Variants in KDM6A observed in about 807,000 individuals in gnomAD.
KDM6A encodes lysine demethylase 6A.
In KDM6A, 11 loss-of-function variants were observed where a neutral mutation model predicts 117.6. The ratio of observed to expected loss-of-function variants is 0.09; its 90% CI spans 0.06 to 0.15. The LOEUF is 0.15. Ranked by LOEUF, KDM6A falls within the 10% of genes least tolerant of loss-of-function variation. The pLI, the probability that KDM6A is intolerant of heterozygous loss-of-function variation, is 1.00. For missense variants in KDM6A, 799 were observed against 1,077.3 expected, an observed-to-expected ratio of 0.74 and a Z score of 3.62; for synonymous variants, 384 against 396.1, an observed-to-expected ratio of 0.97 and a Z score of 0.36.
chrX:45,079,346 T>C lies in KDM6A; in HGVS notation c.3295T>C (p.Leu1099=), dbSNP rs747260329. The C allele has an allele frequency of 1.0e-5, 12 of 1,162,036 alleles. No individual in the cohort carries two copies. Among genetic ancestry groups the C allele is most frequent in the Middle Eastern group, 2.4e-4 (1 of 4,228 alleles). ...QYQASSFQES[L]REENEKRSHH... ...CCAGGCCTCCTCATTCCAGGAATCATTGAGAGTAAGTATTTGTATCCTAAA... is the reference window on the plus strand; with the variant it reads ...CCAGGCCTCCTCATTCCAGGAATCACTGAGAGTAAGTATTTGTATCCTAAA... Residue 1099 remains leucine (L), a synonymous_variant, in exon 21 of 30, where the codon TTG becomes CTG. Transcript: ENST00000611820.
At chrX:45,020,761 GTTTAATT>G in intron 6 of KDM6A, 31 bp downstream of exon 6, 1 of 1,195,143 alleles carries the variant, frequency 8.4e-7, no homozygotes. Context: ...AAGATACAAT[GTTTAATT>G]TTGTGGTTTT....
chrX:44,974,574 G>A, intron 3 of KDM6A, 92 bp from the exon 4 acceptor site: 1 of 608,345 alleles, frequency 1.6e-6, no homozygotes, highest in Non-Finnish European at 2.8e-6. Context: ...CTGGGAGGTG[G>A]GTGTGGTGGG....
At chrX:44,894,396 A>AT (rs2033629140) in intron 2 of KDM6A, among the ~76,000 whole-genome samples, 1 of 111,108 alleles carries the variant, frequency 9.0e-6, no homozygotes, top group African/African-American at 3.3e-5. Flanking sequence ...GACTCTTCAG[A>AT]TTGTCTTTTT....
chrX:44,935,456 T>C (rs914317624), intron 2 of KDM6A, among the ~76,000 whole-genome samples: 4 of 111,397 alleles, frequency 3.6e-5, no homozygotes, highest in African/African-American at 1.3e-4. Flanking sequence ...ATTCATAAAG[T>C]TCACGGTGGC....
intron 16 of KDM6A, 145 bp downstream of exon 16, chrX:45,062,893 C>CT: frequency 2.2e-6 from 1 of 458,653 alleles, no homozygotes; most frequent in Non-Finnish European, 3.8e-6. Flanking sequence ...TTTTAAAATA[C>CT]TGGTAATTGA....
At chrX:45,065,107 A>C (rs1286696386) in intron 17 of KDM6A, among the ~76,000 whole-genome samples, 1 of 112,240 alleles carries the variant, frequency 8.9e-6, no homozygotes, top group Admixed American at 9.4e-5. Flanking sequence ...TGCAGTTATA[A>C]ATCAGAAGGG....
intron 6 of KDM6A, among the ~76,000 whole-genome samples, chrX:45,033,181 G>T (rs997911252): frequency 1.9e-4 from 21 of 111,751 alleles, no homozygotes; most frequent in East Asian, 5.6e-4. Context: ...GACTACTCTT[G>T]TGCTCTTTTT....
At chrX:45,030,504 C>T (rs1042754321) in intron 6 of KDM6A, among the ~76,000 whole-genome samples, 1 of 107,183 alleles carries the variant, frequency 9.3e-6, no homozygotes, top group Admixed American at 1.0e-4. Flanking sequence ...TTGGGAGAAC[C>T]TCAGTCAGAT....
intron 9 of KDM6A, among the ~76,000 whole-genome samples, chrX:45,053,201 T>A (rs953268451): frequency 9.0e-6 from 1 of 111,448 alleles, no homozygotes; most frequent in Non-Finnish European, 1.9e-5. Flanking sequence ...TGGGAGGTCG[T>A]GGTGGGTGAA....
intron 17 of KDM6A, among the ~76,000 whole-genome samples, chrX:45,065,036 A>G (rs2044468527): frequency 8.9e-6 from 1 of 112,163 alleles, no homozygotes; most frequent in Non-Finnish European, 1.9e-5. Flanking sequence ...GATTAGTGCT[A>G]TGGAAAAAAG....
intron 2 of KDM6A, among the ~76,000 whole-genome samples, chrX:44,914,251 G>A (rs1348012281): frequency 8.9e-6 from 1 of 112,052 alleles, no homozygotes; most frequent in Non-Finnish European, 1.9e-5. Flanking sequence ...TGTGCTGGGG[G>A]GGTCAGCACG....
At chrX:44,916,220 T>C (rs2035542261) in intron 2 of KDM6A, among the ~76,000 whole-genome samples, 2 of 111,053 alleles carry the variant, frequency 1.8e-5, no homozygotes, top group Non-Finnish European at 3.8e-5. Flanking sequence ...ACTGTATTTT[T>C]TGATGCCCTT....
chrX:45,028,584 G>T (rs766337820), intron 6 of KDM6A, among the ~76,000 whole-genome samples: 1 of 111,885 alleles, frequency 8.9e-6, no homozygotes, highest in Admixed American at 9.5e-5. Context: ...TGTTCCTTTT[G>T]GCAGAGGATG....
At chrX:45,089,644 A>G in intron 25 of KDM6A, 99 bp from the exon 26 acceptor site, 1 of 588,185 alleles carries the variant, frequency 1.7e-6, no homozygotes, top group Non-Finnish European at 2.8e-6. Context: ...AATAAAATGA[A>G]CAAGTGTTTA....
intron 2 of KDM6A, among the ~76,000 whole-genome samples, chrX:44,945,250 G>C (rs1005367147): frequency 3.0e-4 from 33 of 111,475 alleles, no homozygotes; most frequent in African/African-American, 1.0e-3. Flanking sequence ...ATGTGCTGTA[G>C]CCTGAAAAGT....
chrX:45,033,349 A>G (rs927768826), intron 6 of KDM6A, among the ~76,000 whole-genome samples: 4 of 111,774 alleles, frequency 3.6e-5, no homozygotes, highest in Non-Finnish European at 5.6e-5. Context: ...GCAGTTTTCA[A>G]AGTGTTCAAA....
intron 2 of KDM6A, among the ~76,000 whole-genome samples, chrX:44,944,940 T>C (rs773389687): frequency 4.9e-5 from 5 of 102,127 alleles, no homozygotes; most frequent in Admixed American, 4.2e-4. Flanking sequence ...AGTATTTCCA[T>C]TTGGTATAAT....
At chrX:44,945,298 A>G (rs1236045624) in intron 2 of KDM6A, among the ~76,000 whole-genome samples, 1 of 111,549 alleles carries the variant, frequency 9.0e-6, no homozygotes, top group African/African-American at 3.3e-5. Flanking sequence ...TAGAGCTCAC[A>G]TTCATTATTT....
At chrX:45,003,394 CTTTTTTTTTTTT>C (rs397896934) in intron 4 of KDM6A, among the ~76,000 whole-genome samples, 13 of 75,547 alleles carry the variant, frequency 1.7e-4, no homozygotes. Context: ...AATTATCCTT[CTTTTTTTTTTTT>C]TTTTTTTTTT....
Sources: allele counts gnomAD v4.1 joint callset (sites outside exome capture counted in the v4.1 genomes callset), GRCh38; gene constraint gnomAD v4.1.1; transcripts MANE v1.5; gene names NCBI Gene and HGNC (gene_info 2026-07-23, HGNC 2026-07-21).